Variants in USP18 observed in about 807,000 individuals in gnomAD.
USP18 encodes the protein ubl carboxyl-terminal hydrolase 18.
A neutral mutation model predicts 48.7 loss-of-function variants in USP18; 11 were observed. The observed-to-expected ratio is 0.23, with a 90% confidence interval of 0.14 to 0.37. The LOEUF (loss-of-function observed/expected upper bound fraction) is 0.37, where lower values mean the gene tolerates loss of function less well. Ranked by LOEUF, USP18 falls within the 10% of genes least tolerant of loss-of-function variation. USP18 has a pLI of 1.00. For synonymous variants in USP18, 114 were observed against 163.2 expected (o/e 0.70, Z 2.30); for missense variants, 285 against 436.4 (o/e 0.65, Z 3.09).
intron 4 of USP18, among the ~76,000 whole-genome samples, chr22:18,164,132 C>T (rs993757795): frequency 2.0e-5 from 3 of 152,322 alleles, no homozygotes; most frequent in Non-Finnish European, 2.9e-5. Context: ...GGAAGCTTGA[C>T]GCTATCTGTT....
intron 2 of USP18, among the ~76,000 whole-genome samples, chr22:18,159,899 G>T (rs190164994): frequency 1.3e-4 from 20 of 152,050 alleles, no homozygotes; most frequent in Admixed American, 1.2e-3. Context: ...GGATGGTCTC[G>T]ATCTCCTGAC....
At chr22:18,163,784 C>T (rs1602526411) in intron 4 of USP18, among the ~76,000 whole-genome samples, 2 of 152,318 alleles carry the variant, frequency 1.3e-5, no homozygotes, top group East Asian at 3.9e-4. Context: ...TTGTGTTGTC[C>T]AGACTGTCAT....
intron 10 of USP18, among the ~76,000 whole-genome samples, chr22:18,174,708 C>T (rs997930915): frequency 2.0e-5 from 3 of 152,120 alleles, no homozygotes; most frequent in African/African-American, 7.2e-5. Flanking sequence ...CCCACCTCAG[C>T]CTCCTGAATA....
rs201976472 is a variant in USP18 at position 18,156,748 on chromosome 22, CATCCGAACAT to C, written c.-106-809_-106-800del. On this transcript the variant is annotated intron_variant, in intron 1 of 10. Coordinates refer to ENST00000215794, the MANE Select transcript of USP18 (RefSeq NM_017414.4). Reference sequence around the variant, plus strand: ...CACCAGAAGGAAGAAACTCCGAACACATCCGAACATCAGAAGGAATAAACTGCGGACATGC... The same window carrying C: ...CACCAGAAGGAAGAAACTCCGAACACCAGAAGGAATAAACTGCGGACATGC... Among the ~76,000 whole-genome samples, 536 of 152,368 alleles carry C rather than the reference CATCCGAACAT, an allele frequency of 3.5e-3. 8 individuals are homozygous for C. The highest frequency in any genetic ancestry group is 0.03 in the Admixed American group (459 of 15,310).
chr22:18,172,785 T>G (rs1464082267), intron 8 of USP18, among the ~76,000 whole-genome samples: 8 of 150,748 alleles, frequency 5.3e-5, no homozygotes, highest in Non-Finnish European at 3.0e-5. Context: ...TACAAAAGAC[T>G]TTTTTGGCTG....
intron 8 of USP18, among the ~76,000 whole-genome samples, chr22:18,172,116 G>T (rs1444530922): frequency 6.6e-6 from 1 of 152,144 alleles, no homozygotes; most frequent in Non-Finnish European, 1.5e-5. Flanking sequence ...CAACAAAAAA[G>T]ACTTTGTTAT....
chr22:18,151,235 A>C (rs1048149503), intron 1 of USP18, among the ~76,000 whole-genome samples: 7 of 152,124 alleles, frequency 4.6e-5, no homozygotes, highest in African/African-American at 1.7e-4. Flanking sequence ...AAGAAAGCTA[A>C]ATTTAGACTT....
At chr22:18,157,962 A>G in intron 2 of USP18, 142 bp downstream of exon 2, 1 of 1,240,712 alleles carries the variant, frequency 8.1e-7, no homozygotes. Context: ...AGATGGGGAT[A>G]CAGCCTGGGC....
At chr22:18,155,266 C>T (rs946647540) in intron 1 of USP18, among the ~76,000 whole-genome samples, 2 of 152,226 alleles carry the variant, frequency 1.3e-5, no homozygotes, top group African/African-American at 4.8e-5. Flanking sequence ...TGAGATCTGC[C>T]TGTGGGTACT....
Position 18,155,538 on chromosome 22 carries a change from C to T in USP18, c.-106-2020C>T, listed in dbSNP as rs556814839. The stretch of plus-strand genomic sequence containing the variant: ...GGAGGTGTGGAGGGAGAGGCAGGGG[C>T]GGGAACTGGGGCTGCACGCGGTGCT... On this transcript the variant is annotated intron_variant, in intron 1 of 10. Coordinates refer to ENST00000215794, the MANE Select transcript of USP18 (RefSeq NM_017414.4). 4.6e-5 allele frequency among the ~76,000 whole-genome samples: 7 copies of T among 152,192 alleles called. No individual in the cohort carries two copies. The East Asian group carries it at 7.7e-4, about 17-fold the overall frequency.
Position 18,166,821 on chromosome 22 carries a change from TC to T in USP18, c.401-433del, listed in dbSNP as rs551763144. 3.6e-4 allele frequency among the ~76,000 whole-genome samples: 54 copies of T among 150,720 alleles called. No homozygotes were observed. The East Asian group carries it at 9.0e-3, about 25-fold the overall frequency. ...GGTGACATCACAGCTCACTGTAGCC[TC>T]AACATCCTGGGCTCCAGTGATCCTC... On this transcript the variant is annotated intron_variant, in intron 4 of 10. Coordinates refer to ENST00000215794, the MANE Select transcript of USP18 (RefSeq NM_017414.4).
At chr22:18,173,443 C>T (rs1390969589) in intron 9 of USP18, among the ~76,000 whole-genome samples, 162 bp downstream of exon 9, 1 of 152,102 alleles carries the variant, frequency 6.6e-6, no homozygotes, top group African/African-American at 2.4e-5. Context: ...GGTCTGAAGT[C>T]CCCATGTGGT....
At chr22:18,166,714 G>A (rs1008426759) in intron 4 of USP18, among the ~76,000 whole-genome samples, 1 of 151,712 alleles carries the variant, frequency 6.6e-6, no homozygotes, top group Non-Finnish European at 1.5e-5. Context: ...TTGGGCATGC[G>A]CCTGGCCTTC....
chr22:18,169,501 G>A (rs553504895), intron 6 of USP18, among the ~76,000 whole-genome samples: 14 of 152,142 alleles, frequency 9.2e-5, no homozygotes, highest in African/African-American at 1.2e-4. Context: ...GCTTGAACCC[G>A]GGAGGCGGAG....
At chr22:18,156,008 C>T (rs1929125630) in intron 1 of USP18, among the ~76,000 whole-genome samples, 1 of 152,214 alleles carries the variant, frequency 6.6e-6, no homozygotes, top group Admixed American at 6.5e-5. Flanking sequence ...GTAAATATAC[C>T]AATCGGCACT....
chr22:18,163,770 C>T (rs1929397066), intron 4 of USP18, among the ~76,000 whole-genome samples: 1 of 152,184 alleles, frequency 6.6e-6, no homozygotes. Context: ...CACCTGTTGA[C>T]CCTTTGTGTT....
At chr22:18,159,878 C>T (rs570700452) in intron 2 of USP18, among the ~76,000 whole-genome samples, 38 of 152,140 alleles carry the variant, frequency 2.5e-4, no homozygotes, top group South Asian at 4.2e-4. Context: ...GGGGTTTCAC[C>T]GTGTTAGCCA....
Position 18,170,820 on chromosome 22 carries a change from C to T in USP18, c.791C>T (p.Ser264Leu). Residue 264 changes from serine to leucine, a missense_variant, in exon 8 of 11, where the codon TCA (serine) becomes TTA (leucine). By Grantham distance (145) the Ser-to-Leu change is moderately radical. Transcript: ENST00000215794. ...CTCATGCGATTCTCCATCAGGAATT[C>T]ACAGACGAGAAAGATCTGCCACTCC... The part of the protein sequence containing the change: ...IHLMRFSIRN[S>L]QTRKICHSLY... 1 of 1,594,324 alleles carries T rather than the reference C, an allele frequency of 6.3e-7. No homozygotes were observed. The highest frequency in any genetic ancestry group is 2.2e-5 in the East Asian group (1 of 44,508).
At chr22:18,151,757 C>T (rs1217365120) in intron 1 of USP18, among the ~76,000 whole-genome samples, 3 of 151,922 alleles carry the variant, frequency 2.0e-5, no homozygotes, top group Non-Finnish European at 4.4e-5. Flanking sequence ...ATTACGATTA[C>T]TCAAGAAATG....
Sources: gnomAD v4.1 joint callset for allele counts (sites outside exome capture counted in the v4.1 genomes callset) on GRCh38, gnomAD v4.1.1 for gene constraint, MANE v1.5 for transcripts, NCBI Gene and HGNC (gene_info 2026-07-23, HGNC 2026-07-21) for gene names.